The following PTPRD variants were observed in gnomAD, a reference collection of about 807,000 sequenced individuals.
The protein encoded by PTPRD is protein tyrosine phosphatase receptor type D.
PTPRD carries 34 observed loss-of-function variants against 214.5 expected under a neutral mutation model. That is an observed-to-expected ratio of 0.16 (90% CI 0.12 to 0.21). The LOEUF is 0.21. Among genes scored for constraint, PTPRD ranks in the 10% least tolerant of loss-of-function variants. The pLI is 1.00. For missense variants in PTPRD, 2,545 were observed against 2,398.7 expected, an observed-to-expected ratio of 1.06 and a Z score of -1.27; for synonymous variants, 1,128 against 845.7, an observed-to-expected ratio of 1.33 and a Z score of -5.79.
intron 3 of PTPRD, among the ~76,000 whole-genome samples, chr9:10,145,351 T>C (rs2099015068): frequency 6.6e-6 from 1 of 152,082 alleles, no homozygotes; most frequent in African/African-American, 2.4e-5. Flanking sequence ...ACCCCTGAAA[T>C]ACCAGGACCC....
chr9:9,611,654 C>T lies in PTPRD; in HGVS notation c.-286-36873G>A, dbSNP rs1482828627. On this transcript the variant is annotated intron_variant, in intron 7 of 45. Coordinates refer to ENST00000381196, the MANE Select transcript of PTPRD (RefSeq NM_002839.4). ...TAGTTTCAGAACACACACACACACC[C>T]ACGTGTGTATCCATTGTACAATCAT... Among the ~76,000 whole-genome samples the T allele has an allele frequency of 2.6e-5, 4 of 151,948 alleles. No homozygotes were observed. In the East Asian group the frequency reaches 7.7e-4, roughly 29 times the overall value.
intron 2 of PTPRD, among the ~76,000 whole-genome samples, chr9:10,584,432 C>T (rs966450855): frequency 6.6e-6 from 1 of 152,102 alleles, no homozygotes; most frequent in Non-Finnish European, 1.5e-5. Context: ...TCTAGATTTT[C>T]CTCAATAAAA....
rs59335943 is a variant in PTPRD, at chr9:10,169,473, CAAA to C, written c.-544-135686_-544-135684del. On this transcript the variant is annotated intron_variant, in intron 3 of 45. Coordinates refer to ENST00000381196, the MANE Select transcript of PTPRD (RefSeq NM_002839.4). ...TGGGCGAAAGAGCGAGACTCTGTCT[CAAA>C]AAAAAAAAAAAAAAAAAGCAATGAG... 2.7e-4 allele frequency among the ~76,000 whole-genome samples: 18 copies of C among 66,874 alleles called. 1 individual carries two copies. The highest frequency in any genetic ancestry group is 1.3e-3 in the African/African-American group (18 of 13,978). The allele number at this position is 66,874 out of a possible 152,430, so 43.9% of individuals were successfully genotyped here. A position where few individuals can be genotyped will look rare whatever the true frequency, so the allele number is the denominator to read the frequency against.
intron 2 of PTPRD, among the ~76,000 whole-genome samples, chr9:10,526,675 T>C (rs923759595): frequency 1.3e-4 from 20 of 152,060 alleles, no homozygotes; most frequent in East Asian, 5.8e-4. Flanking sequence ...TCAATACCCT[T>C]TACATAAAAG....
At chr9:9,383,038 G>A (rs2062801581) in intron 9 of PTPRD, among the ~76,000 whole-genome samples, 1 of 138,986 alleles carries the variant, frequency 7.2e-6, no homozygotes, top group Non-Finnish European at 1.6e-5. Context: ...ATTATCTTAG[G>A]TAAAATTCCC....
chr9:9,217,509 C>T (rs1311865731), intron 9 of PTPRD, among the ~76,000 whole-genome samples: 1 of 152,116 alleles, frequency 6.6e-6, no homozygotes, highest in East Asian at 1.9e-4. Flanking sequence ...TTAGCACAAC[C>T]AGCATCCTCT....
chr9:8,768,919 T>C (rs2094971526), intron 11 of PTPRD, among the ~76,000 whole-genome samples: 1 of 152,212 alleles, frequency 6.6e-6, no homozygotes, highest in South Asian at 2.1e-4. Flanking sequence ...AAGGGTAGTC[T>C]AATGCCGTTC....
rs565688535 is a variant in PTPRD at position 8,661,394 on chromosome 9, G to T, written c.65-24550C>A. Among the ~76,000 whole-genome samples, 6 of 151,848 alleles carry T rather than the reference G, an allele frequency of 4.0e-5. No homozygotes were observed. The South Asian group carries it at 6.2e-4, about 16-fold the overall frequency. ...TAGCAGAAGGTTGTATTTATAGTGG[G>T]GGCATTTCCACATCTAGTATCAAGG... is the stretch of plus-strand genomic sequence containing the variant. On this transcript the variant is annotated intron_variant, in intron 12 of 45. Transcript: ENST00000381196.
intron 3 of PTPRD, among the ~76,000 whole-genome samples, chr9:10,039,811 TAGAG>T (rs962923241): frequency 6.6e-6 from 1 of 151,998 alleles, no homozygotes; most frequent in Non-Finnish European, 1.5e-5. Flanking sequence ...ATGTGAATCA[TAGAG>T]AGGACAAAAT....
rs528092386 is a variant in PTPRD at position 9,749,095 on chromosome 9, T to C, written c.-325-14524A>G. 1.9e-3 allele frequency among the ~76,000 whole-genome samples: 286 copies of C among 152,264 alleles called. 8 individuals carry two copies. The highest frequency in any genetic ancestry group is 6.8e-3 in the Middle Eastern group (2 of 294). Reference sequence around the variant, plus strand: ...TTAGAACAATCCACCTGATCTTCTCTTTACTCCTCTGATTCTAAAGTTTGG... The same window carrying C: ...TTAGAACAATCCACCTGATCTTCTCCTTACTCCTCTGATTCTAAAGTTTGG... On this transcript the variant is annotated intron_variant, in intron 6 of 45. Transcript: ENST00000381196.
chr9:9,383,900 T>C (rs2063062243), intron 9 of PTPRD, among the ~76,000 whole-genome samples: 1 of 152,084 alleles, frequency 6.6e-6, no homozygotes, highest in Non-Finnish European at 1.5e-5. Context: ...CAAAGCATTC[T>C]GTGTGTTTTT....
chr9:10,574,422 G>GAAATAAT (rs2068493980), intron 2 of PTPRD, among the ~76,000 whole-genome samples: 1 of 152,030 alleles, frequency 6.6e-6, no homozygotes, highest in South Asian at 2.1e-4. Flanking sequence ...TGTACTCTGA[G>GAAATAAT]GTAGTCGGTA....
chr9:8,345,736 A>T (rs1856952982), intron 39 of PTPRD, among the ~76,000 whole-genome samples: 1 of 152,094 alleles, frequency 6.6e-6, no homozygotes, highest in African/African-American at 2.4e-5. Flanking sequence ...TTTGAAATCG[A>T]AATCAAAGAT....
At chr9:9,152,839 A>G (rs933126685) in intron 10 of PTPRD, among the ~76,000 whole-genome samples, 5 of 152,206 alleles carry the variant, frequency 3.3e-5, no homozygotes, top group African/African-American at 1.2e-4. Flanking sequence ...GAACCAGATA[A>G]ATTGCTTGAT....
chr9:9,278,266 A>G (rs1267648651), intron 9 of PTPRD, among the ~76,000 whole-genome samples: 1 of 151,306 alleles, frequency 6.6e-6, no homozygotes, highest in Non-Finnish European at 1.5e-5. Flanking sequence ...TCCTTTTAAT[A>G]GACTGGCATT....
intron 10 of PTPRD, among the ~76,000 whole-genome samples, chr9:9,031,624 G>A (rs1026584512): frequency 2.0e-5 from 3 of 151,894 alleles, no homozygotes; most frequent in Admixed American, 6.6e-5. Flanking sequence ...ATAAATACGT[G>A]GTCCATCAGT....
At chr9:10,438,218 T>A (rs1391909392) in intron 2 of PTPRD, among the ~76,000 whole-genome samples, 1 of 151,508 alleles carries the variant, frequency 6.6e-6, no homozygotes, top group African/African-American at 2.4e-5. Flanking sequence ...TGAGTGCCTA[T>A]ACAGATAGTC....
intron 10 of PTPRD, among the ~76,000 whole-genome samples, chr9:9,176,694 A>C (rs1427251810): frequency 1.3e-5 from 2 of 152,098 alleles, no homozygotes; most frequent in South Asian, 2.1e-4. Flanking sequence ...TTCCTGATGA[A>C]AGAATAAGTT....
intron 26 of PTPRD, among the ~76,000 whole-genome samples, chr9:8,493,428 T>C (rs1402470019): frequency 6.6e-6 from 1 of 152,182 alleles, no homozygotes; most frequent in African/African-American, 2.4e-5. Context: ...GTGATTATTT[T>C]ATGCCAACAG....
Sources: gnomAD v4.1 joint callset for allele counts (sites outside exome capture counted in the v4.1 genomes callset) on GRCh38, gnomAD v4.1.1 for gene constraint, MANE v1.5 for transcripts, NCBI Gene and HGNC (gene_info 2026-07-23, HGNC 2026-07-21) for gene names.